The following TTC29 variants were observed in gnomAD, a reference collection of about 807,000 sequenced individuals.
The protein encoded by TTC29 is tetratricopeptide repeat protein 29.
A neutral mutation model predicts 58.1 loss-of-function variants in TTC29; 49 were observed. That is an observed-to-expected ratio of 0.84 (90% CI 0.67 to 1.07). The LOEUF is 1.07. Ranked by LOEUF, TTC29 falls within the 50% of genes least tolerant of loss-of-function variation. TTC29 has a pLI of 0.00. For missense variants in TTC29, 582 were observed against 555.6 expected (o/e 1.05, Z -0.48); for synonymous variants, 209 against 196.8 (o/e 1.06, Z -0.52).
chr4:146,937,546 C>T (rs201052095), intron 4 of TTC29, 48 bp downstream of exon 4: 2 of 1,215,254 alleles, frequency 1.6e-6, no homozygotes, highest in African/African-American at 3.1e-5. Flanking sequence ...AGAATCAAGA[C>T]AAAAGAAACA....
At chr4:146,866,386 CATGTTT>C (rs1165772747) in intron 8 of TTC29, among the ~76,000 whole-genome samples, 6 of 152,142 alleles carry the variant, frequency 3.9e-5, no homozygotes, top group African/African-American at 1.4e-4. Flanking sequence ...TGTGGACTCT[CATGTTT>C]TCTACATGTG....
intron 6 of TTC29, among the ~76,000 whole-genome samples, chr4:146,893,434 G>C (rs1464499383): frequency 2.6e-5 from 4 of 152,146 alleles, no homozygotes; most frequent in Non-Finnish European, 4.4e-5. Context: ...ATGGGGAAAG[G>C]ATTCCCTATT....
chr4:146,905,193 A>G (rs542119860), intron 5 of TTC29, among the ~76,000 whole-genome samples: 2 of 152,212 alleles, frequency 1.3e-5, no homozygotes, highest in South Asian at 2.1e-4. Context: ...TGAACTTCCT[A>G]CATAATGTGA....
intron 11 of TTC29, among the ~76,000 whole-genome samples, chr4:146,725,503 C>T (rs1264080444): frequency 6.6e-6 from 1 of 152,148 alleles, no homozygotes; most frequent in African/African-American, 2.4e-5. Context: ...CACCACTGCA[C>T]TCCAGCCTGG....
chr4:146,816,574 G>A (rs1033803812), intron 10 of TTC29, among the ~76,000 whole-genome samples: 5 of 152,002 alleles, frequency 3.3e-5, no homozygotes, highest in African/African-American at 1.2e-4. Context: ...AGAGCAAGGA[G>A]GAGGGACGAG....
chr4:146,863,782 T>G (rs1313897108), intron 8 of TTC29, among the ~76,000 whole-genome samples: 1 of 151,962 alleles, frequency 6.6e-6, no homozygotes, highest in African/African-American at 2.4e-5. Flanking sequence ...TCAGACGGGG[T>G]CTGAAGACCT....
intron 11 of TTC29, among the ~76,000 whole-genome samples, chr4:146,719,085 T>C (rs1743162892): frequency 6.6e-6 from 1 of 152,110 alleles, no homozygotes; most frequent in African/African-American, 2.4e-5. Context: ...TTTTTGCCAG[T>C]ATCACACTGT....
intron 11 of TTC29, among the ~76,000 whole-genome samples, chr4:146,767,485 A>C (rs1747413219): frequency 6.6e-6 from 1 of 152,020 alleles, no homozygotes; most frequent in South Asian, 2.1e-4. Context: ...TTCCCCTCCC[A>C]GATAACAAAA....
intron 11 of TTC29, among the ~76,000 whole-genome samples, chr4:146,734,222 G>A (rs572996600): frequency 2.0e-5 from 3 of 152,128 alleles, no homozygotes; most frequent in Non-Finnish European, 4.4e-5. Flanking sequence ...ATTTCAGCCA[G>A]CAAGAAGTGG....
chr4:146,938,288 T>G lies in TTC29; in HGVS notation c.93-611A>C, dbSNP rs1420925303. ...TGCTATCAACCTCTCATAACTATGA[T>G]GATTGATATGGAACTAAACAAATAT... On this transcript the variant is annotated intron_variant, in intron 3 of 12. Coordinates refer to ENST00000325106, the MANE Select transcript of TTC29 (RefSeq NM_031956.4). 2.0e-5 allele frequency among the ~76,000 whole-genome samples: 3 copies of G among 152,126 alleles called. No individual in the cohort carries two copies. The East Asian group carries it at 5.8e-4, about 29-fold the overall frequency.
chr4:146,832,892 T>G (rs1260060229), intron 9 of TTC29, among the ~76,000 whole-genome samples: 1 of 152,216 alleles, frequency 6.6e-6, no homozygotes, highest in Non-Finnish European at 1.5e-5. Flanking sequence ...TACTGATATT[T>G]TAAACTATGA....
chr4:146,875,671 G>A (rs953170382), intron 6 of TTC29, among the ~76,000 whole-genome samples: 15 of 152,046 alleles, frequency 9.9e-5, no homozygotes, highest in Non-Finnish European at 1.8e-4. Flanking sequence ...ACATTATGGC[G>A]CCTTAAACTG....
At chr4:146,883,721 G>C (rs1731789934) in intron 6 of TTC29, among the ~76,000 whole-genome samples, 1 of 152,074 alleles carries the variant, frequency 6.6e-6, no homozygotes, top group South Asian at 2.1e-4. Context: ...TTTGAAAAAA[G>C]AAAAACCTGC....
At chr4:146,866,730 C>T (rs1730586174) in intron 8 of TTC29, among the ~76,000 whole-genome samples, 2 of 151,806 alleles carry the variant, frequency 1.3e-5, no homozygotes, top group Non-Finnish European at 2.9e-5. Flanking sequence ...ATATCTAGCC[C>T]AAATATAGGA....
intron 6 of TTC29, among the ~76,000 whole-genome samples, chr4:146,900,596 C>T (rs930789023): frequency 5.9e-5 from 9 of 152,168 alleles, no homozygotes; most frequent in South Asian, 2.1e-4. Flanking sequence ...ATTTTTTGAA[C>T]GAATGGGTGC....
intron 8 of TTC29, among the ~76,000 whole-genome samples, chr4:146,845,521 T>C (rs1579814954): frequency 6.6e-6 from 1 of 152,214 alleles, no homozygotes; most frequent in East Asian, 1.9e-4. Flanking sequence ...ATATCAGTTA[T>C]CAGTTATTTA....
intron 11 of TTC29, among the ~76,000 whole-genome samples, chr4:146,714,345 C>A (rs918369862): frequency 6.6e-6 from 1 of 151,836 alleles, no homozygotes; most frequent in African/African-American, 2.4e-5. Context: ...AACTTGAAGA[C>A]AGAGTAGTAG....
intron 6 of TTC29, among the ~76,000 whole-genome samples, chr4:146,896,714 C>T (rs1341767225): frequency 1.3e-5 from 2 of 152,130 alleles, no homozygotes; most frequent in African/African-American, 2.4e-5. Flanking sequence ...CTTAGTCCTT[C>T]CCCTGCAATT....
intron 6 of TTC29, among the ~76,000 whole-genome samples, chr4:146,902,856 C>A (rs1733246741): frequency 6.6e-6 from 1 of 152,164 alleles, no homozygotes; most frequent in South Asian, 2.1e-4. Flanking sequence ...AGCAGTTTCA[C>A]CAAAGTAAAA....
Sources: gnomAD v4.1 joint callset for allele counts (sites outside exome capture counted in the v4.1 genomes callset) on GRCh38, gnomAD v4.1.1 for gene constraint, MANE v1.5 for transcripts, NCBI Gene and HGNC (gene_info 2026-07-23, HGNC 2026-07-21) for gene names.